The following KLHL31 variants were observed in gnomAD, a reference collection of about 807,000 sequenced individuals.
KLHL31 encodes the protein kelch like family member 31, also known as kelch-like protein 31.
A neutral mutation model predicts 47.1 loss-of-function variants in KLHL31; 32 were observed. The observed-to-expected ratio is 0.68, with a 90% CI of 0.51 to 0.91. The LOEUF is 0.91. KLHL31 is among the 40% of genes least tolerant of loss of function. The probability of loss-of-function intolerance (pLI) is 0.00; values close to 1 mark genes in which losing one functional copy is unlikely to be tolerated. For synonymous variants in KLHL31, 330 were observed against 325.1 expected (o/e 1.01, Z -0.16); for missense variants, 797 against 819.3 (o/e 0.97, Z 0.33).
chr6:53,660,247 A>G (rs1176168549), intron 1 of KLHL31, among the ~76,000 whole-genome samples: 2 of 152,094 alleles, frequency 1.3e-5, no homozygotes, highest in Non-Finnish European at 2.9e-5. Flanking sequence ...TACCATGTGC[A>G]TTTCAGAAGA....
rs61745239 is a variant in KLHL31 at position 53,652,071 on chromosome 6, C to A, written c.1432G>T (p.Ala478Ser). ...VLVTGGYIAN[A>S]YSRSVCAYDP... ...TAGGCGCACACAGAGCGCGAGTAGG[C>A]GTTGGCTATGTAGCCTCCGGTCACC... Residue 478 changes from alanine to serine, a missense_variant, in exon 3 of 3, where the codon GCC becomes TCC. Ala to Ser is a moderately conservative substitution (Grantham distance 99). Transcript: ENST00000370905. 254 of 1,596,824 alleles carry A rather than the reference C, an allele frequency of 1.6e-4. No homozygotes were observed. The highest frequency in any genetic ancestry group is 1.9e-4 in the Non-Finnish European group (227 of 1,176,806).
chr6:53,663,761 G>A (rs188077068), intron 1 of KLHL31, among the ~76,000 whole-genome samples: 4 of 152,208 alleles, frequency 2.6e-5, no homozygotes, highest in Non-Finnish European at 5.9e-5. Context: ...TTCTTTCCTA[G>A]TATTTTGTGT....
rs558208155 is a variant in KLHL31, at chr6:53,649,256, C to T, written c.*2342G>A. 3.3e-5 allele frequency: 5 copies of T among 152,240 alleles called. No homozygotes were observed. In the South Asian group the frequency reaches 1.0e-3, roughly 32 times the overall value. 9.4% of individuals were successfully genotyped at this position (152,240 alleles called of 1,614,324 possible). ...CTTTCACCGACCCTTACATTCCATA[C>T]TCCTCGCCAATGTGTTATGTCAGAA... On this transcript the variant is annotated 3_prime_UTR_variant, in exon 3 of 3. Coordinates refer to ENST00000370905, the MANE Select transcript of KLHL31 (RefSeq NM_001003760.5).
chr6:53,662,747 A>G (rs767218173), intron 1 of KLHL31, among the ~76,000 whole-genome samples: 4 of 152,242 alleles, frequency 2.6e-5, no homozygotes, highest in Middle Eastern at 3.2e-3. Flanking sequence ...TTCTAGTGCC[A>G]TGTATTCAAC....
At chr6:53,652,605 GC>G (rs1764493990) in intron 2 of KLHL31, among the ~76,000 whole-genome samples, 1 of 152,136 alleles carries the variant, frequency 6.6e-6, no homozygotes, top group South Asian at 2.1e-4. Flanking sequence ...TTGGAGAAGA[GC>G]CCACAGAGAC....
In KLHL31 at chr6:53,651,399, T is replaced by TAA. The variant is rs759076475; in HGVS notation, c.*197_*198dup. 192 of 67,362 alleles carry TAA rather than the reference T, an allele frequency of 2.9e-3. 4 individuals are homozygous for TAA. The highest frequency in any genetic ancestry group is 7.5e-3 in the East Asian group (14 of 1,870). The allele number at this position is 67,362 out of a possible 1,614,324, so 4.2% of individuals were successfully genotyped here. ...TGTTGGCCATTGCCCTGTATTTTGC[T>TAA]AAAAAAAAAAAAAAAAAAAAGAGGT... On this transcript the variant is annotated 3_prime_UTR_variant, in exon 3 of 3. Coordinates refer to ENST00000370905, the MANE Select transcript of KLHL31 (RefSeq NM_001003760.5).
intron 1 of KLHL31, among the ~76,000 whole-genome samples, chr6:53,661,138 T>G (rs781149190): frequency 5.3e-5 from 8 of 152,188 alleles, no homozygotes; most frequent in Non-Finnish European, 1.2e-4. Flanking sequence ...TAATAAATGC[T>G]CTGCCTGTGG....
chr6:53,656,978 G>T (rs2127369259), intron 1 of KLHL31, among the ~76,000 whole-genome samples: 1 of 119,690 alleles, frequency 8.4e-6, no homozygotes, highest in East Asian at 2.7e-4. Flanking sequence ...TATCACCCAG[G>T]CTAGAGTGTA....
Position 53,655,315 on chromosome 6 carries a change from G to T in KLHL31, c.-33-10C>A. 2.4e-6 allele frequency: 3 copies of T among 1,255,696 alleles called. No individual in the cohort carries two copies. The highest frequency in any genetic ancestry group is 3.2e-6 in the Non-Finnish European group (3 of 934,240). The allele number at this position is 1,255,696 out of a possible 1,614,324, so 77.8% of individuals were successfully genotyped here. On this transcript the variant is annotated splice_polypyrimidine_tract_variant and intron_variant, in intron 1 of 2. Coordinates refer to ENST00000370905, the MANE Select transcript of KLHL31 (RefSeq NM_001003760.5). ...TACAGGCAAGAGCTTGCTAAAAAGA[G>T]AAAAAAAAAAACATGGTTTTGTTTT...
At chr6:53,664,620 A>G (rs1764693047) in intron 1 of KLHL31, among the ~76,000 whole-genome samples, 1 of 152,184 alleles carries the variant, frequency 6.6e-6, no homozygotes, top group South Asian at 2.1e-4. Flanking sequence ...TATAGAAAAG[A>G]GTTGTTACTT....
rs1764448623 is a variant in KLHL31, at chr6:53,650,520, T to A, written c.*1078A>T. ...GGCATTTATCAACAGGAGAACCCAT[T>A]CATCCAGTTACTACCAAATCTACAA... On this transcript the variant is annotated 3_prime_UTR_variant, in exon 3 of 3. Coordinates refer to ENST00000370905, the MANE Select transcript of KLHL31 (RefSeq NM_001003760.5). 4 of 152,226 alleles carry A rather than the reference T, an allele frequency of 2.6e-5. No homozygotes were observed. Among genetic ancestry groups the A allele is most frequent in the Non-Finnish European group, 5.9e-5 (4 of 68,034 alleles). 9.4% of individuals were successfully genotyped at this position (152,226 alleles called of 1,614,324 possible).
Position 53,652,272 on chromosome 6 carries a change from G to C in KLHL31, c.1231C>G (p.His411Asp). ...HLASMNQKRT[H>D]FSLSVFNGLV... is the part of the protein sequence containing the mutation. ...CCGTTGAACACGCTCAGGCTGAAGT[G>C]CGTGCGCTTCTGGTTCATGCTGGCC... Residue 411 changes from histidine to aspartate, a missense_variant, in exon 3 of 3, where the codon CAC becomes GAC. Transcript: ENST00000370905. 6.2e-7 allele frequency: 1 copy of C among 1,614,210 alleles called. No homozygotes were observed. Among genetic ancestry groups the C allele is most frequent in the Non-Finnish European group, 8.5e-7 (1 of 1,180,048 alleles).
intron 1 of KLHL31, among the ~76,000 whole-genome samples, chr6:53,663,925 A>T (rs757125410): frequency 1.8e-4 from 27 of 152,328 alleles, no homozygotes; most frequent in Admixed American, 5.9e-4. Context: ...AGTATAATCA[A>T]CTGTCAAACA....
In KLHL31 at chr6:53,654,665, G is replaced by A. The variant is rs865895708; in HGVS notation, c.608C>T (p.Ala203Val). The change falls in exon 2 of 3, where the codon GCA (alanine) becomes GTA (valine). Residue 203 changes from alanine to valine, a missense_variant. Ala to Val is a moderately conservative substitution (Grantham distance 64, BLOSUM62 0). Transcript: ENST00000370905. Reference sequence around the variant, plus strand: ...AAGTTTCATAAACTGATCCGATTCTGCAAATTCAAGGAAGTTATCCCGAAT... The same window carrying A: ...AAGTTTCATAAACTGATCCGATTCTACAAATTCAAGGAAGTTATCCCGAAT... ...KFIRDNFLEF[A>V]ESDQFMKLTF... is the part of the protein sequence containing the mutation. 3 of 1,614,022 alleles carry A rather than the reference G, an allele frequency of 1.9e-6. No homozygotes were observed. Among genetic ancestry groups the A allele is most frequent in the Non-Finnish European group, 2.5e-6 (3 of 1,180,026 alleles).
At position 53,651,024 on chromosome 6, in the gene KLHL31, C is replaced by T. The variant is rs1189738508; in HGVS notation, c.*574G>A. The T allele has an allele frequency of 6.6e-6, 1 of 152,064 alleles. No individual in the cohort carries two copies. Among genetic ancestry groups the T allele is most frequent in the African/African-American group, 2.4e-5 (1 of 41,382 alleles). The allele number at this position is 152,064 out of a possible 1,614,324, so 9.4% of individuals were successfully genotyped here. On this transcript the variant is annotated 3_prime_UTR_variant, in exon 3 of 3. Transcript: ENST00000370905. ...TCAGATCTTGTTTTAAGCTTTATTA[C>T]GTTGTCATGGGATATCTTTCAAAAT...
At chr6:53,660,119 T>A (rs1193705473) in intron 1 of KLHL31, among the ~76,000 whole-genome samples, 1 of 152,160 alleles carries the variant, frequency 6.6e-6, no homozygotes, top group Non-Finnish European at 1.5e-5. Flanking sequence ...CGGATATGCA[T>A]GGTTTCTGTT....
intron 2 of KLHL31, among the ~76,000 whole-genome samples, chr6:53,653,285 A>G (rs1475810755): frequency 6.6e-6 from 1 of 152,232 alleles, no homozygotes; most frequent in African/African-American, 2.4e-5. Flanking sequence ...AACACTAAAA[A>G]TCAGTTAATT....
intron 1 of KLHL31, among the ~76,000 whole-genome samples, chr6:53,661,875 A>T (rs1325861279): frequency 6.6e-6 from 1 of 152,266 alleles, no homozygotes; most frequent in Non-Finnish European, 1.5e-5. Context: ...TATAACCTAC[A>T]TGCTGAGCAA....
In KLHL31 at chr6:53,651,817, C is replaced by A; in HGVS notation, c.1686G>T (p.Ala562=). 1 of 1,611,036 alleles carries A rather than the reference C, an allele frequency of 6.2e-7. No individual in the cohort carries two copies. Among genetic ancestry groups the A allele is most frequent in the South Asian group, 1.1e-5 (1 of 91,070 alleles). ...CCACCAGGTAGGCGCGGCCATGCAG[C>A]GCCGAGACGCCCGCAGTGCTCACTC... ...QVGVSTAGVS[A]LHGRAYLVGG... The change falls in exon 3 of 3, where the codon GCG becomes GCT. Residue 562 remains alanine, a synonymous_variant. Transcript: ENST00000370905.
Sources: gnomAD v4.1 joint callset for allele counts (sites outside exome capture counted in the v4.1 genomes callset) on GRCh38, gnomAD v4.1.1 for gene constraint, MANE v1.5 for transcripts, NCBI Gene and HGNC (gene_info 2026-07-23, HGNC 2026-07-21) for gene names.